RPRD1B: variants seen among roughly 807,000 people sequenced by gnomAD.
RPRD1B encodes the protein regulation of nuclear pre-mRNA domain-containing protein 1B.
RPRD1B carries 11 observed loss-of-function variants against 41.5 expected under a neutral mutation model. The observed-to-expected ratio is 0.27, with a 90% CI of 0.17 to 0.44. The LOEUF is 0.44. RPRD1B is among the 20% of genes least tolerant of loss of function. RPRD1B has a pLI of 1.00. For missense variants in RPRD1B, 248 were observed against 389.9 expected, an observed-to-expected ratio of 0.64 and a Z score of 3.06; for synonymous variants, 158 against 155.6, an observed-to-expected ratio of 1.02 and a Z score of -0.12.
At chr20:38,035,855 C>T (rs578134885) in intron 1 of RPRD1B, among the ~76,000 whole-genome samples, 41 of 151,900 alleles carry the variant, frequency 2.7e-4, no homozygotes, top group African/African-American at 9.9e-4. Context: ...AGCTCCACCT[C>T]CCGGGTTCAT....
rs536530004 is a variant in RPRD1B at position 38,070,222 on chromosome 20, C to T, written c.831+3966C>T. ...GTTTGTTTGTTTTTGACTTTTGCTT[C>T]AGGGTGTCATGATTGACTTTGGCCT... On this transcript the variant is annotated intron_variant, in intron 6 of 6. Transcript: ENST00000373433. 2.3e-4 allele frequency: 229 copies of T among 985,218 alleles called. 1 individual carries two copies. In the African/African-American group the frequency reaches 3.8e-3, roughly 16 times the overall value. The allele number at this position is 985,218 out of a possible 1,614,324, so 61.0% of individuals were successfully genotyped here. A position where few individuals can be genotyped will look rare whatever the true frequency, so the allele number is the denominator to read the frequency against.
chr20:38,052,028 G>A (rs954057893), intron 3 of RPRD1B, among the ~76,000 whole-genome samples: 2 of 152,184 alleles, frequency 1.3e-5, no homozygotes, highest in African/African-American at 4.8e-5. Flanking sequence ...CAGGATTACA[G>A]GCATGAGCCA....
At chr20:38,047,390 C>G (rs1212009780) in intron 2 of RPRD1B, among the ~76,000 whole-genome samples, 1 of 152,102 alleles carries the variant, frequency 6.6e-6, no homozygotes, top group Non-Finnish European at 1.5e-5. Context: ...GAATAGAGTT[C>G]CCATCTCAGT....
intron 6 of RPRD1B, among the ~76,000 whole-genome samples, chr20:38,073,553 C>G (rs1156481076): frequency 6.6e-6 from 1 of 152,144 alleles, no homozygotes; most frequent in Non-Finnish European, 1.5e-5. Context: ...GGTGCTCAAC[C>G]AAAATGATGG....
intron 3 of RPRD1B, among the ~76,000 whole-genome samples, chr20:38,054,618 C>CT (rs1165539892): frequency 6.6e-6 from 1 of 152,142 alleles, no homozygotes; most frequent in Non-Finnish European, 1.5e-5. Context: ...ATGGGTCTGT[C>CT]TAAGTCCTCC....
intron 1 of RPRD1B, among the ~76,000 whole-genome samples, chr20:38,036,819 A>G (rs766133929): frequency 2.0e-5 from 3 of 152,352 alleles, no homozygotes; most frequent in Non-Finnish European, 4.4e-5. Context: ...CTAAGGAACT[A>G]AAGTTTTAAG....
intron 1 of RPRD1B, among the ~76,000 whole-genome samples, chr20:38,040,211 A>G (rs1329347046): frequency 6.6e-6 from 1 of 151,738 alleles, no homozygotes; most frequent in Non-Finnish European, 1.5e-5. Flanking sequence ...GGTTTAAACA[A>G]CACAGCAATG....
chr20:38,074,841 C>T (rs1217702219), intron 6 of RPRD1B, among the ~76,000 whole-genome samples: 1 of 151,976 alleles, frequency 6.6e-6, no homozygotes, highest in Non-Finnish European at 1.5e-5. Context: ...GTCTCATTAC[C>T]CAGAGATAAC....
chr20:38,092,026 A>T lies in RPRD1B; in HGVS notation c.*2151A>T, dbSNP rs2074615834. On this transcript the variant is annotated 3_prime_UTR_variant, in exon 7 of 7. Coordinates refer to ENST00000373433, the MANE Select transcript of RPRD1B (RefSeq NM_021215.4). ...TAATTCTGCTGTCCACATCCTCCCA[A>T]AGTGTGCTTACTTCATTTGTTTAAT... 4 of 985,730 alleles carry T rather than the reference A, an allele frequency of 4.1e-6. No homozygotes were observed. Among genetic ancestry groups the T allele is most frequent in the Non-Finnish European group, 4.8e-6 (4 of 829,894 alleles). The allele number at this position is 985,730 out of a possible 1,614,324, so 61.1% of individuals were successfully genotyped here. A position where few individuals can be genotyped will look rare whatever the true frequency, so the allele number is the denominator to read the frequency against.
chr20:38,053,249 A>G (rs2074206793), intron 3 of RPRD1B, among the ~76,000 whole-genome samples: 1 of 152,218 alleles, frequency 6.6e-6, no homozygotes, highest in South Asian at 2.1e-4. Flanking sequence ...TTTTAAAAAA[A>G]TGTATAGCTT....
At chr20:38,076,670 C>T (rs563343902) in intron 6 of RPRD1B, among the ~76,000 whole-genome samples, 3 of 151,978 alleles carry the variant, frequency 2.0e-5, no homozygotes, top group South Asian at 4.2e-4. Context: ...CACCCCTGCC[C>T]CCAGTGGTCT....
rs761087530 is a variant in RPRD1B, at chr20:38,089,866, A to G, written c.972A>G (p.Ser324=). The part of the protein sequence containing the change: ...APLPSAGDLF[S]TD ...TGCCCTCTGCTGGGGACCTGTTTTC[A>G]ACTGACTAGGATGGGTGTCATGTCC... The change falls in exon 7 of 7, where the codon TCA becomes TCG. Residue 324 remains serine (S), a synonymous_variant. Transcript: ENST00000373433. The G allele has an allele frequency of 1.9e-6, 3 of 1,613,302 alleles. No homozygotes were observed. The Admixed American group carries it at 5.0e-5, about 27-fold the overall frequency.
intron 6 of RPRD1B, among the ~76,000 whole-genome samples, chr20:38,073,143 A>C (rs1216573656): frequency 6.6e-6 from 1 of 152,266 alleles, no homozygotes; most frequent in East Asian, 1.9e-4. Context: ...ACAGAATAGT[A>C]GCCAAAGTTT....
intron 2 of RPRD1B, among the ~76,000 whole-genome samples, chr20:38,047,374 G>A (rs1450937089): frequency 1.3e-5 from 2 of 152,076 alleles, no homozygotes; most frequent in African/African-American, 4.8e-5. Context: ...TGTCATGGTC[G>A]GGTGTGAATA....
intron 6 of RPRD1B, among the ~76,000 whole-genome samples, chr20:38,073,471 C>T (rs949543132): frequency 1.3e-5 from 2 of 152,152 alleles, no homozygotes; most frequent in African/African-American, 2.4e-5. Flanking sequence ...CCAACATTGC[C>T]TTATGACTCT....
At chr20:38,068,842 T>C (rs755320822) in intron 6 of RPRD1B, among the ~76,000 whole-genome samples, 1 of 152,238 alleles carries the variant, frequency 6.6e-6, no homozygotes, top group Non-Finnish European at 1.5e-5. Context: ...GCGTGAATAC[T>C]GTGAATTCCT....
chr20:38,041,372 C>T (rs1185575083), intron 2 of RPRD1B, among the ~76,000 whole-genome samples: 1 of 151,908 alleles, frequency 6.6e-6, no homozygotes, highest in African/African-American at 2.4e-5. Context: ...TAGTGAAAGG[C>T]CTTAAATGAG....
chr20:38,075,319 T>A (rs1365167863), intron 6 of RPRD1B, among the ~76,000 whole-genome samples: 13 of 152,252 alleles, frequency 8.5e-5, no homozygotes, highest in African/African-American at 3.1e-4. Flanking sequence ...ATTAGTCTTT[T>A]GTTTTATGAA....
At chr20:38,047,805 A>G (rs1482501089) in intron 2 of RPRD1B, among the ~76,000 whole-genome samples, 5 of 152,202 alleles carry the variant, frequency 3.3e-5, no homozygotes, top group African/African-American at 1.2e-4. Context: ...AACCTGGACT[A>G]TGGACTTAGC....
Sources: allele counts gnomAD v4.1 joint callset (sites outside exome capture counted in the v4.1 genomes callset), GRCh38; gene constraint gnomAD v4.1.1; transcripts MANE v1.5; gene names NCBI Gene and HGNC (gene_info 2026-07-23, HGNC 2026-07-21).